RAB43: variants seen among roughly 807,000 people sequenced by gnomAD.
RAB43 encodes RAB43, member RAS oncogene family.
Under a neutral mutation model 18.8 loss-of-function variants are expected in RAB43, and 6 were observed. The observed-to-expected ratio is 0.32, with a 90% CI of 0.17 to 0.63. The LOEUF (loss-of-function observed/expected upper bound fraction) is 0.63. Among genes scored for constraint, RAB43 ranks in the 30% least tolerant of loss-of-function variants. The pLI is 0.79. For synonymous variants in RAB43, 103 were observed against 124.1 expected (o/e 0.83, Z 1.13); for missense variants, 195 against 289.1 (o/e 0.67, Z 2.36).
intron 1 of RAB43, among the ~76,000 whole-genome samples, chr3:129,115,326 A>G (rs548452523): frequency 2.8e-4 from 41 of 145,592 alleles, no homozygotes; most frequent in African/African-American, 9.8e-4. Context: ...TGTCTCTACT[A>G]AAAAAAAAAC....
intron 1 of RAB43, among the ~76,000 whole-genome samples, chr3:129,103,073 T>C (rs888243913): frequency 6.6e-6 from 1 of 152,142 alleles, no homozygotes; most frequent in Non-Finnish European, 1.5e-5. Flanking sequence ...GCCGACATTA[T>C]AGAGAAAAGA....
intron 1 of RAB43, among the ~76,000 whole-genome samples, chr3:129,116,809 G>C (rs374645570): frequency 5.9e-5 from 9 of 152,290 alleles, no homozygotes; most frequent in East Asian, 3.9e-4. Flanking sequence ...CTGGACTTGA[G>C]GCCGGTGTGC....
chr3:129,121,448 C>G lies in RAB43; in HGVS notation c.42G>C (p.Gln14His). 6.2e-7 allele frequency: 1 copy of G among 1,613,102 alleles called. No individual in the cohort carries two copies. The highest frequency in any genetic ancestry group is 8.5e-7 in the Non-Finnish European group (1 of 1,179,618). ...PGPGPGDPDEQYDFLFKLVLV... is the reference protein window; with the variant it reads ...PGPGPGDPDEHYDFLFKLVLV... Reference sequence around the variant, plus strand: ...GCACCAGCTTGAACAGGAAATCGTACTGCTCGTCCGGGTCCCCCGGGCCTG... The same window carrying G: ...GCACCAGCTTGAACAGGAAATCGTAGTGCTCGTCCGGGTCCCCCGGGCCTG... Residue 14 changes from glutamine (Q) to histidine (H), a missense_variant, in exon 1 of 3, where the codon CAG (glutamine) becomes CAC (histidine). Gln to His is a conservative substitution (Grantham distance 24, BLOSUM62 0). Transcript: ENST00000315150.
intron 1 of RAB43, among the ~76,000 whole-genome samples, chr3:129,099,187 G>T (rs934387096): frequency 6.6e-6 from 1 of 151,592 alleles, no homozygotes; most frequent in African/African-American, 2.4e-5. Context: ...CGCCTCCCGG[G>T]TTCATGCCAT....
rs1190272219 is a variant in RAB43 at position 129,088,436 on chromosome 3, A to AT, written c.*2659dup. 1.5e-5 allele frequency: 1 copy of AT among 66,002 alleles called. No individual in the cohort carries two copies. Among genetic ancestry groups the AT allele is most frequent in the Non-Finnish European group, 3.4e-5 (1 of 29,564 alleles). 4.1% of individuals were successfully genotyped at this position (66,002 alleles called of 1,614,324 possible). Reference sequence around the variant, plus strand: ...GCATCTGTGACCCCAAATGGCATGAATAAAAGGGCAGGTTGCTAAGAGCCA... The same window carrying AT: ...GCATCTGTGACCCCAAATGGCATGAATTAAAAGGGCAGGTTGCTAAGAGCCA... On this transcript the variant is annotated 3_prime_UTR_variant, in exon 3 of 3. Transcript: ENST00000315150.
chr3:129,102,799 C>T (rs1423848664), intron 1 of RAB43, among the ~76,000 whole-genome samples: 1 of 152,068 alleles, frequency 6.6e-6, no homozygotes, highest in Non-Finnish European at 1.5e-5. Context: ...AGACCCCTCC[C>T]CACCCCAACC....
intron 1 of RAB43, among the ~76,000 whole-genome samples, chr3:129,099,116 G>A (rs912543385): frequency 6.6e-6 from 1 of 151,224 alleles, no homozygotes; most frequent in Non-Finnish European, 1.5e-5. Context: ...TTTTGAGACG[G>A]AGTCTCACTC....
chr3:129,118,468 C>T (rs1935694478), intron 1 of RAB43, among the ~76,000 whole-genome samples: 1 of 152,130 alleles, frequency 6.6e-6, no homozygotes, highest in African/African-American at 2.4e-5. Context: ...AGTTAAAGCC[C>T]TTCTGACCCT....
chr3:129,120,680 T>TG (rs1284368541), intron 1 of RAB43, among the ~76,000 whole-genome samples: 1 of 152,176 alleles, frequency 6.6e-6, no homozygotes, highest in Non-Finnish European at 1.5e-5. Flanking sequence ...AAACTCCAGC[T>TG]GGGGGAGGGA....
At chr3:129,111,509 CAAAAAAAAAAAAAA>C (rs59684183) in intron 1 of RAB43, among the ~76,000 whole-genome samples, 4 of 68,620 alleles carry the variant, frequency 5.8e-5, no homozygotes, top group Non-Finnish European at 9.2e-5. Flanking sequence ...GACTCTGTCT[CAAAAAAAAAAAAAA>C]AAAAAAAAGA....
intron 1 of RAB43, 120 bp downstream of exon 1, chr3:129,121,166 A>C: frequency 1.3e-6 from 1 of 754,044 alleles, no homozygotes; most frequent in East Asian, 4.4e-5. Context: ...GGAAGGAAAA[A>C]GGGGAAGCCA....
chr3:129,092,679 G>A lies in RAB43; in HGVS notation c.389-1333C>T, dbSNP rs908781548. On this transcript the variant is annotated intron_variant, in intron 2 of 2. Transcript: ENST00000315150. The stretch of plus-strand genomic sequence containing the variant: ...AGCTGTATAAAATGTTCTATAGGCC[G>A]GGCGCGGTGGCTCACGCCTGTAATC... 4.1e-5 allele frequency: 19 copies of A among 463,392 alleles called. No individual in the cohort carries two copies. The South Asian group carries it at 5.2e-4, about 13-fold the overall frequency. 28.7% of individuals were successfully genotyped at this position (463,392 alleles called of 1,614,324 possible).
At chr3:129,118,925 A>G (rs150373508) in intron 1 of RAB43, among the ~76,000 whole-genome samples, 207 of 152,342 alleles carry the variant, frequency 1.4e-3, no homozygotes, top group African/African-American at 4.9e-3. Context: ...TTAAAATCAC[A>G]CTGCTGAAAC....
intron 1 of RAB43, among the ~76,000 whole-genome samples, chr3:129,097,453 G>A (rs1467718417): frequency 6.6e-6 from 1 of 152,224 alleles, no homozygotes; most frequent in Non-Finnish European, 1.5e-5. Flanking sequence ...AGTCAAGTGT[G>A]AGGGTTTAAT....
chr3:129,104,245 T>C (rs1388478966), intron 1 of RAB43, among the ~76,000 whole-genome samples: 1 of 152,164 alleles, frequency 6.6e-6, no homozygotes, highest in African/African-American at 2.4e-5. Flanking sequence ...ATCTGCCAAG[T>C]TGAGAGCGGA....
chr3:129,116,706 A>G (rs1935553643), intron 1 of RAB43, among the ~76,000 whole-genome samples: 1 of 152,180 alleles, frequency 6.6e-6, no homozygotes, highest in African/African-American at 2.4e-5. Flanking sequence ...TACCTCTATG[A>G]AGGAGAGATC....
chr3:129,121,566 C>A lies in RAB43; in HGVS notation c.-77G>T. 1 of 1,291,970 alleles carries A rather than the reference C, an allele frequency of 7.7e-7. No individual in the cohort carries two copies. Among genetic ancestry groups the A allele is most frequent in the Non-Finnish European group, 1.0e-6 (1 of 959,262 alleles). The allele number at this position is 1,291,970 out of a possible 1,614,324, so 80.0% of individuals were successfully genotyped here. On this transcript the variant is annotated 5_prime_UTR_variant, in exon 1 of 3. Transcript: ENST00000315150. ...GCTCACGCAAGCCGCGGGCCGAGCT[C>A]CGCCCGCTCCAGCCCACGGGCCGCC...
chr3:129,108,270 G>A (rs1934916425), intron 1 of RAB43, among the ~76,000 whole-genome samples: 2 of 152,202 alleles, frequency 1.3e-5, no homozygotes, highest in Admixed American at 1.3e-4. Flanking sequence ...GGACAGCCAC[G>A]GCAGCCACAT....
chr3:129,121,814 G>A (rs1442805064), upstream of RAB43: 2 of 160,144 alleles, frequency 1.2e-5, no homozygotes, highest in African/African-American at 2.6e-5. Context: ...TGGCCTGTAG[G>A]CCCGCCCCAG....
Sources: gnomAD v4.1 joint callset for allele counts (sites outside exome capture counted in the v4.1 genomes callset) on GRCh38, gnomAD v4.1.1 for gene constraint, MANE v1.5 for transcripts, NCBI Gene and HGNC (gene_info 2026-07-23, HGNC 2026-07-21) for gene names.